Variants in DCBLD2 observed in about 807,000 individuals in gnomAD.
The protein encoded by DCBLD2 is discoidin, CUB and LCCL domain-containing protein 2.
Under a neutral mutation model 86.8 loss-of-function variants are expected in DCBLD2, and 54 were observed. That is an observed-to-expected ratio of 0.62 (90% CI 0.50 to 0.78). DCBLD2 has a LOEUF of 0.78. Ranked by LOEUF, DCBLD2 falls within the 30% of genes least tolerant of loss-of-function variation. DCBLD2 has a pLI of 0.00. For missense variants in DCBLD2, 908 were observed against 954.2 expected (o/e 0.95, Z 0.64); for synonymous variants, 354 against 341.3 (o/e 1.04, Z -0.41).
intron 2 of DCBLD2, among the ~76,000 whole-genome samples, chr3:98,852,688 T>C (rs1942862077): frequency 6.6e-6 from 1 of 152,214 alleles, no homozygotes; most frequent in Non-Finnish European, 1.5e-5. Context: ...TTTTCTCAGG[T>C]TGCAGAATTG....
intron 2 of DCBLD2, among the ~76,000 whole-genome samples, chr3:98,867,701 G>A (rs1263959386): frequency 6.6e-6 from 1 of 152,024 alleles, no homozygotes; most frequent in Non-Finnish European, 1.5e-5. Flanking sequence ...AATGGCAGGA[G>A]AGTTCAATTG....
At chr3:98,839,123 C>CTTTTTG (rs1298827061) in intron 3 of DCBLD2, among the ~76,000 whole-genome samples, 3 of 34,234 alleles carry the variant, frequency 8.8e-5, no homozygotes, top group Admixed American at 4.8e-4. Flanking sequence ...CTTTCTTTTT[C>CTTTTTG]TTTCTTTCCT....
Position 98,820,252 on chromosome 3 carries a change from T to A in DCBLD2, c.867A>T (p.Thr289=). 6 of 1,465,676 alleles carry A rather than the reference T, an allele frequency of 4.1e-6. No homozygotes were observed. The highest frequency in any genetic ancestry group is 5.4e-6 in the Non-Finnish European group (6 of 1,110,304). 90.8% of individuals were successfully genotyped at this position (1,465,676 alleles called of 1,614,324 possible). A position where few individuals can be genotyped will look rare whatever the true frequency, so the allele number is the denominator to read the frequency against. Residue 289 remains threonine (T), a synonymous_variant, in exon 7 of 16, where the codon ACA becomes ACT. Coordinates refer to ENST00000326840, the MANE Select transcript of DCBLD2 (RefSeq NM_080927.4). ...HLSTSLFTFK[T]SGCYGTLGME... ...TAAAGTCCATAAAAGGCTTACCACT[T>A]GTCTTAAATGTAAAAAGACTTGTAG...
chr3:98,800,549 C>T, intron 15 of DCBLD2, 30 bp downstream of exon 15: 2 of 1,596,880 alleles, frequency 1.3e-6, no homozygotes, highest in Non-Finnish European at 8.5e-7. Context: ...TCTCCCTCTG[C>T]CTGGTACCAG....
At chr3:98,843,962 G>A (rs868566831) in intron 3 of DCBLD2, among the ~76,000 whole-genome samples, 14 of 151,590 alleles carry the variant, frequency 9.2e-5, no homozygotes, top group Middle Eastern at 6.8e-3. Context: ...GTAAGATTCA[G>A]TATTATGTTT....
At chr3:98,858,840 C>T (rs950260279) in intron 2 of DCBLD2, among the ~76,000 whole-genome samples, 1 of 152,172 alleles carries the variant, frequency 6.6e-6, no homozygotes, top group Non-Finnish European at 1.5e-5. Context: ...TCCAAGATGG[C>T]CGAATAGGAA....
intron 3 of DCBLD2, among the ~76,000 whole-genome samples, chr3:98,838,256 A>G (rs543129899): frequency 1.4e-3 from 124 of 88,248 alleles, no homozygotes; most frequent in Non-Finnish European, 2.6e-3. Flanking sequence ...CAGACGGGGC[A>G]GCTGCCGGGC....
chr3:98,860,265 G>T (rs1306721391), intron 2 of DCBLD2, among the ~76,000 whole-genome samples: 3 of 152,216 alleles, frequency 2.0e-5, no homozygotes, highest in Non-Finnish European at 2.9e-5. Context: ...ACCTGAAAGT[G>T]ATGGGGAGAA....
chr3:98,820,357 T>C (rs919374664), intron 6 of DCBLD2, 69 bp from the exon 7 acceptor site: 15 of 1,221,540 alleles, frequency 1.2e-5, no homozygotes, highest in Non-Finnish European at 1.6e-5. Context: ...TAGTGAAACA[T>C]TTTCTTTTGA....
chr3:98,854,182 T>C (rs1450003404), intron 2 of DCBLD2, among the ~76,000 whole-genome samples: 4 of 152,186 alleles, frequency 2.6e-5, no homozygotes, highest in African/African-American at 7.2e-5. Flanking sequence ...AAATGTACAG[T>C]TGAATCCTCT....
At chr3:98,820,178 GAC>G (rs1942093351) in intron 7 of DCBLD2, 68 bp downstream of exon 7, 2 of 977,024 alleles carry the variant, frequency 2.0e-6, no homozygotes, top group African/African-American at 1.7e-5. Flanking sequence ...ATCAGCAACT[GAC>G]ACAGTGCCTA....
chr3:98,848,024 A>G (rs185238506), intron 3 of DCBLD2, among the ~76,000 whole-genome samples: 105 of 152,240 alleles, frequency 6.9e-4, no homozygotes, highest in Non-Finnish European at 1.3e-3. Flanking sequence ...GGTTTGTTCC[A>G]TAAGTAAGCT....
In DCBLD2 at chr3:98,870,806, A is replaced by AAAGG. The variant is rs1491200178; in HGVS notation, c.433+10733_433+10734insCCTT. ...GAAAGAAAGAAAGAAAGAAAGAAAGAAAGAAAGGTAGGCAGGCATTGGTGG... is the reference window on the plus strand; with the variant it reads ...GAAAGAAAGAAAGAAAGAAAGAAAGAAAGGAAGAAAGGTAGGCAGGCATTGGTGG... On this transcript the variant is annotated intron_variant, in intron 2 of 15. Coordinates refer to ENST00000326840, the MANE Select transcript of DCBLD2 (RefSeq NM_080927.4). Among the ~76,000 whole-genome samples the AAAGG allele has an allele frequency of 1.7e-3, 208 of 123,342 alleles. 3 individuals carry two copies. Among genetic ancestry groups the AAAGG allele is most frequent in the South Asian group, 4.6e-3 (17 of 3,726 alleles). The allele number at this position is 123,342 out of a possible 152,430, so 80.9% of individuals were successfully genotyped here. A position where few individuals can be genotyped will look rare whatever the true frequency, so the allele number is the denominator to read the frequency against.
intron 12 of DCBLD2, 132 bp downstream of exon 12, chr3:98,811,062 A>ATT: frequency 4.0e-5 from 35 of 882,120 alleles, no homozygotes; most frequent in Middle Eastern, 2.8e-4. Flanking sequence ...AAGAAAATAA[A>ATT]TTTTTTTTTT....
At chr3:98,881,519 A>C in intron 2 of DCBLD2, 21 bp downstream of exon 2, 1 of 1,596,988 alleles carries the variant, frequency 6.3e-7, no homozygotes, top group Non-Finnish European at 8.6e-7. Context: ...TTACATGTAC[A>C]TTTACAAAAA....
At chr3:98,858,140 G>A (rs576885992) in intron 2 of DCBLD2, among the ~76,000 whole-genome samples, 5 of 152,362 alleles carry the variant, frequency 3.3e-5, no homozygotes, top group East Asian at 1.9e-4. Context: ...AAGGCCCAGC[G>A]AAAAGTCACA....
chr3:98,834,134 G>T (rs1942376427), intron 3 of DCBLD2, among the ~76,000 whole-genome samples: 1 of 111,826 alleles, frequency 8.9e-6, no homozygotes, highest in South Asian at 3.7e-4. Context: ...TGTGAGTAGA[G>T]TTGTTTTCTT....
At position 98,822,335 on chromosome 3, in the gene DCBLD2, C is replaced by A. The variant is rs199596311; in HGVS notation, c.723G>T (p.Val241=). 4 of 1,613,948 alleles carry A rather than the reference C, an allele frequency of 2.5e-6. No homozygotes were observed. In the South Asian group the frequency reaches 4.4e-5, roughly 18 times the overall value. The part of the protein sequence containing the change: ...RDSSPLCMAG[V]HAGVVSNTLG... The stretch of plus-strand genomic sequence containing the variant: ...ACGTGTTTGACACTACTCCTGCATG[C>A]ACACCAGCCATGCACAATGGCGAGG... Residue 241 remains valine, a synonymous_variant, in exon 6 of 16, where the codon GTG becomes GTT. Coordinates refer to ENST00000326840, the MANE Select transcript of DCBLD2 (RefSeq NM_080927.4).
chr3:98,856,842 GA>G (rs1401627551), intron 2 of DCBLD2, among the ~76,000 whole-genome samples: 1 of 151,472 alleles, frequency 6.6e-6, no homozygotes, highest in South Asian at 2.1e-4. Flanking sequence ...TTGAAAAGAA[GA>G]AAAAAAACAG....
Sources: allele counts gnomAD v4.1 joint callset (sites outside exome capture counted in the v4.1 genomes callset), GRCh38; gene constraint gnomAD v4.1.1; transcripts MANE v1.5; gene names NCBI Gene and HGNC (gene_info 2026-07-23, HGNC 2026-07-21).